EVC: variants seen among roughly 807,000 people sequenced by gnomAD.
The protein encoded by EVC is EvC ciliary complex subunit 1.
Under a neutral mutation model 118.9 loss-of-function variants are expected in EVC, and 116 were observed. The observed-to-expected ratio is 0.98, with a 90% confidence interval of 0.84 to 1.14. EVC has a LOEUF of 1.14. Ranked by LOEUF, EVC falls within the 50% of genes most tolerant of loss-of-function variation. EVC has a pLI of 0.00. For missense variants in EVC, 1,401 were observed against 1,246.4 expected (o/e 1.12, Z -1.87); for synonymous variants, 619 against 534.7 (o/e 1.16, Z -2.18).
In EVC at chr4:5,746,385, C is replaced by T. The variant is rs998024752; in HGVS notation, c.939+1044C>T. Among the ~76,000 whole-genome samples the T allele has an allele frequency of 6.0e-5, 9 of 150,304 alleles. No homozygotes were observed. Among genetic ancestry groups the T allele is most frequent in the East Asian group, 4.1e-4 (2 of 4,910 alleles). ...GAAGCTGTGGTGGTCTACCATGGGGCGGCAGGTGGGGAGGAGGAGGGGGTC... is the reference window on the plus strand; with the variant it reads ...GAAGCTGTGGTGGTCTACCATGGGGTGGCAGGTGGGGAGGAGGAGGGGGTC... On this transcript the variant is annotated intron_variant, in intron 7 of 20. Coordinates refer to ENST00000264956, the MANE Select transcript of EVC (RefSeq NM_153717.3). The surrounding 1 kb of genome is among the most constrained non-coding windows in gnomAD (Gnocchi z 5.8).
intron 14 of EVC, 116 bp downstream of exon 14, chr4:5,797,348 G>T: frequency 1.1e-6 from 1 of 910,420 alleles, no homozygotes; most frequent in Non-Finnish European, 1.7e-6. Flanking sequence ...GCTGCAGGGT[G>T]CGGTATTCAT....
rs1730543749 is a variant in EVC, at chr4:5,752,551, C to T, written c.1099-285C>T. ...CTTGACCGTTTGTAAATCTGGATTC[C>T]CTCCTAGGAGGGTGGCCCTCTGGGG... On this transcript the variant is annotated intron_variant, in intron 8 of 20. Transcript: ENST00000264956. 3 of 521,986 alleles carry T rather than the reference C, an allele frequency of 5.7e-6. No individual in the cohort carries two copies. The South Asian group carries it at 6.3e-5, about 11-fold the overall frequency. The allele number at this position is 521,986 out of a possible 1,614,324, so 32.3% of individuals were successfully genotyped here.
chr4:5,817,320 C>T (rs577632446), downstream of EVC, among the ~76,000 whole-genome samples: 3 of 152,290 alleles, frequency 2.0e-5, no homozygotes, highest in African/African-American at 7.2e-5. Flanking sequence ...TGTTTGGCTC[C>T]CGTCTGATAG....
intron 2 of EVC, among the ~76,000 whole-genome samples, chr4:5,722,021 A>G (rs1022874768): frequency 1.4e-4 from 22 of 152,210 alleles, no homozygotes; most frequent in Non-Finnish European, 2.6e-4. Context: ...GTACCCTTGA[A>G]TGTGATGAAA....
At chr4:5,744,825 G>C (rs1729108262) in intron 6 of EVC, among the ~76,000 whole-genome samples, 2 of 152,112 alleles carry the variant, frequency 1.3e-5, no homozygotes, top group African/African-American at 2.4e-5. Flanking sequence ...ACCACTTCCT[G>C]CCCTGGGGTG....
intron 6 of EVC, 99 bp downstream of exon 6, chr4:5,741,913 G>A (rs1728650389): frequency 3.2e-6 from 2 of 618,484 alleles, no homozygotes; most frequent in Non-Finnish European, 5.8e-6. Flanking sequence ...GTATAAAATA[G>A]CTTATTACAA....
chr4:5,730,210 T>C (rs537355600), intron 3 of EVC, among the ~76,000 whole-genome samples: 26 of 152,298 alleles, frequency 1.7e-4, no homozygotes, highest in African/African-American at 6.0e-4. Context: ...TTACACAAGA[T>C]AACATACATG....
chr4:5,800,074 G>C (rs555453290), intron 15 of EVC, among the ~76,000 whole-genome samples: 1 of 152,380 alleles, frequency 6.6e-6, no homozygotes, highest in East Asian at 1.9e-4. Flanking sequence ...GCCGAGCGCA[G>C]TGGCTCACGC....
chr4:5,811,664 A>G lies in EVC; in HGVS notation c.*627A>G. 1.8e-5 allele frequency: 3 copies of G among 162,226 alleles called. No homozygotes were observed. Among genetic ancestry groups the G allele is most frequent in the Non-Finnish European group, 4.0e-5 (3 of 75,208 alleles). The allele number at this position is 162,226 out of a possible 1,614,324, so 10.0% of individuals were successfully genotyped here. On this transcript the variant is annotated 3_prime_UTR_variant, in exon 21 of 21. Coordinates refer to ENST00000264956, the MANE Select transcript of EVC (RefSeq NM_153717.3). ...GAAGAGGCCTTTCCCATCTGGAGAG[A>G]AGCTTCCAGACCAGCCCTTCACACA...
At position 5,731,760 on chromosome 4, in the gene EVC, G is replaced by C; in HGVS notation, c.617+103G>C. 1 of 1,187,470 alleles carries C rather than the reference G, an allele frequency of 8.4e-7. No individual in the cohort carries two copies. Among genetic ancestry groups the C allele is most frequent in the Non-Finnish European group, 1.2e-6 (1 of 818,156 alleles). The allele number at this position is 1,187,470 out of a possible 1,614,324, so 73.6% of individuals were successfully genotyped here. A position where few individuals can be genotyped will look rare whatever the true frequency, so the allele number is the denominator to read the frequency against. On this transcript the variant is annotated intron_variant, in intron 4 of 20. Transcript: ENST00000264956. This position sits in a 1 kb window ranked among gnomAD's most constrained non-coding sequence, Gnocchi z 5.6. The stretch of plus-strand genomic sequence containing the variant: ...GGAAACAGAGGCCCAGAGAGGTTCA[G>C]TGACTCTGCCAGGGACACACAGCGA...
At chr4:5,745,410 A>C (rs1314425182) in intron 7 of EVC, 69 bp downstream of exon 7, 1 of 1,515,450 alleles carries the variant, frequency 6.6e-7, no homozygotes, top group Non-Finnish European at 9.2e-7. Context: ...GCTACATTAG[A>C]GAGATGATAG....
chr4:5,759,544 C>A (rs539701462), intron 11 of EVC, among the ~76,000 whole-genome samples: 37 of 152,284 alleles, frequency 2.4e-4, no homozygotes, highest in African/African-American at 6.0e-4. Context: ...CTCCTCACCC[C>A]CTATGGTAGC....
intron 11 of EVC, among the ~76,000 whole-genome samples, chr4:5,770,787 G>A (rs1488124605): frequency 6.6e-6 from 1 of 152,138 alleles, no homozygotes; most frequent in Non-Finnish European, 1.5e-5. Flanking sequence ...GAGGTGGGCA[G>A]ATACACCTGA....
At chr4:5,715,015 T>C (rs1471329665) in intron 1 of EVC, among the ~76,000 whole-genome samples, 3 of 151,790 alleles carry the variant, frequency 2.0e-5, no homozygotes, top group Non-Finnish European at 2.9e-5. Flanking sequence ...AGTTTTGCCA[T>C]GTTGCCCAGG....
At chr4:5,821,900 TC>T in the EVC span, 1 of 1,507,436 alleles carries the variant, frequency 6.6e-7, no homozygotes, top group Non-Finnish European at 9.0e-7. This position sits in a 1 kb window ranked among gnomAD's most constrained non-coding sequence, Gnocchi z 4.4. Flanking sequence ...TAGCATCAGT[TC>T]CACGCTGCTC....
chr4:5,785,230 C>A (rs957628775), intron 12 of EVC, among the ~76,000 whole-genome samples: 8 of 152,212 alleles, frequency 5.3e-5, no homozygotes, highest in Non-Finnish European at 7.3e-5. Context: ...CCTTTCTCTG[C>A]CCTAGAGGCA....
At chr4:5,802,293 C>G (rs1715156975) in intron 16 of EVC, among the ~76,000 whole-genome samples, 199 bp downstream of exon 16, 1 of 152,214 alleles carries the variant, frequency 6.6e-6, no homozygotes, top group Non-Finnish European at 1.5e-5. Context: ...CATAAGCACA[C>G]ATCCAGTGCA....
chr4:5,797,305 G>A, intron 14 of EVC, 73 bp downstream of exon 14: 2 of 1,318,122 alleles, frequency 1.5e-6, no homozygotes, highest in Non-Finnish European at 1.1e-6. Flanking sequence ...CTTCCAGCAG[G>A]TTTGCCAGAA....
At chr4:5,797,473 T>C in intron 14 of EVC, 2 of 586,628 alleles carry the variant, frequency 3.4e-6, no homozygotes, top group Non-Finnish European at 6.1e-6. Flanking sequence ...GCAGGGCCGC[T>C]TTGATTCTGA....
Sources: gnomAD v4.1 joint callset for allele counts (sites outside exome capture counted in the v4.1 genomes callset) on GRCh38, gnomAD v4.1.1 for gene constraint, Gnocchi (gnomAD v3.1) non-coding constraint, MANE v1.5 for transcripts, NCBI Gene and HGNC (gene_info 2026-07-23, HGNC 2026-07-21) for gene names.